CEP162: variants seen among roughly 807,000 people sequenced by gnomAD.
The protein encoded by CEP162 is centrosomal protein of 162 kDa.
In CEP162, 141 loss-of-function variants were observed where a neutral mutation model predicts 169.2. That is an observed-to-expected ratio of 0.83 (90% CI 0.73 to 0.96). CEP162 has a LOEUF of 0.96. Ranked by LOEUF, CEP162 falls within the 40% of genes least tolerant of loss-of-function variation. CEP162 has a pLI of 0.00. For missense variants in CEP162, 1,600 were observed against 1,587.2 expected (o/e 1.01, Z -0.14); for synonymous variants, 540 against 526.4 (o/e 1.03, Z -0.35).
At chr6:84,157,893 G>T (rs544316447) in intron 21 of CEP162, among the ~76,000 whole-genome samples, 2 of 151,986 alleles carry the variant, frequency 1.3e-5, no homozygotes, top group Non-Finnish European at 2.9e-5. Context: ...CCAATCCTCT[G>T]GTCCAAATAA....
chr6:84,223,360 G>A (rs1303335735), intron 2 of CEP162, among the ~76,000 whole-genome samples: 2 of 151,794 alleles, frequency 1.3e-5, no homozygotes, highest in African/African-American at 2.4e-5. Flanking sequence ...TTAGCTGGGC[G>A]TGGTGGCGCA....
chr6:84,181,207 A>T (rs906197865), intron 13 of CEP162, among the ~76,000 whole-genome samples: 3 of 152,178 alleles, frequency 2.0e-5, no homozygotes, highest in Non-Finnish European at 4.4e-5. Context: ...ACACATTTAC[A>T]ACCATCTGAT....
chr6:84,170,128 C>T (rs1264167202), intron 17 of CEP162, among the ~76,000 whole-genome samples: 3 of 151,964 alleles, frequency 2.0e-5, no homozygotes, highest in South Asian at 2.1e-4. Context: ...AATCCCAGCA[C>T]GTTGGGAGGC....
intron 1 of CEP162, among the ~76,000 whole-genome samples, chr6:84,226,817 C>T (rs2099555906): frequency 6.6e-6 from 1 of 152,168 alleles, no homozygotes; most frequent in Non-Finnish European, 1.5e-5. Flanking sequence ...ATCCAAAGGA[C>T]TGTTTCTTTC....
intron 11 of CEP162, among the ~76,000 whole-genome samples, chr6:84,190,754 G>A (rs1411100698): frequency 1.3e-5 from 2 of 152,222 alleles, no homozygotes; most frequent in Non-Finnish European, 2.9e-5. Flanking sequence ...CACTCACCGC[G>A]AGCGTCCGCG....
chr6:84,163,134 A>C lies in CEP162; in HGVS notation c.2512+10T>G. 6.2e-7 allele frequency: 1 copy of C among 1,612,398 alleles called. No homozygotes were observed. Among genetic ancestry groups the C allele is most frequent in the Non-Finnish European group, 8.5e-7 (1 of 1,179,118 alleles). ...TTATAAAGGTACACTGTTTCAGCTC[A>C]GTGTTTTACCTGTGACATAAGCAAT... On this transcript the variant is annotated intron_variant, in intron 19 of 26. Transcript: ENST00000403245.
chr6:84,171,246 T>C (rs2099529998), intron 17 of CEP162, among the ~76,000 whole-genome samples: 1 of 152,322 alleles, frequency 6.6e-6, no homozygotes, highest in African/African-American at 2.4e-5. Flanking sequence ...TGTATGACCA[T>C]TCTTTTTTAG....
At chr6:84,168,840 G>C (rs1435892609) in intron 18 of CEP162, among the ~76,000 whole-genome samples, 1 of 152,134 alleles carries the variant, frequency 6.6e-6, no homozygotes, top group Non-Finnish European at 1.5e-5. Flanking sequence ...CTTTATGTTA[G>C]GTATGTGGAA....
chr6:84,227,360 CA>C (rs1355752539), intron 1 of CEP162, among the ~76,000 whole-genome samples: 3 of 152,158 alleles, frequency 2.0e-5, no homozygotes, highest in Non-Finnish European at 4.4e-5. Context: ...ATAGCTTGGT[CA>C]GGGGTGAGCT....
chr6:84,170,784 C>T (rs1366158607), intron 17 of CEP162, among the ~76,000 whole-genome samples: 1 of 152,166 alleles, frequency 6.6e-6, no homozygotes, highest in East Asian at 1.9e-4. Flanking sequence ...AGCTTTTTCA[C>T]TTAATATGTT....
intron 18 of CEP162, among the ~76,000 whole-genome samples, chr6:84,166,551 C>G (rs2099527919): frequency 6.6e-6 from 1 of 152,150 alleles, no homozygotes; most frequent in Non-Finnish European, 1.5e-5. Context: ...TGAGCAAGAT[C>G]TGGGTCTGTC....
chr6:84,209,737 AT>A (rs1440646469), intron 6 of CEP162, among the ~76,000 whole-genome samples: 2 of 152,150 alleles, frequency 1.3e-5, no homozygotes, highest in Non-Finnish European at 2.9e-5. Flanking sequence ...ATGATTTCTG[AT>A]TGGGAAAAGT....
In CEP162 at chr6:84,151,715, G is replaced by A. The variant is rs148745022; in HGVS notation, c.3629+830C>T. On this transcript the variant is annotated intron_variant, in intron 23 of 26. Coordinates refer to ENST00000403245, the MANE Select transcript of CEP162 (RefSeq NM_014895.4). ...GAGAAGGAAGAAGGGTCAGAATTCA[G>A]TAAAAGAAACAGAAAAGGAGTTTTG... is the stretch of plus-strand genomic sequence containing the variant. Among the ~76,000 whole-genome samples the A allele has an allele frequency of 2.0e-5, 3 of 152,196 alleles. No individual in the cohort carries two copies. The East Asian group carries it at 5.8e-4, about 29-fold the overall frequency.
Position 84,215,704 on chromosome 6 carries a change from A to G in CEP162, c.319+72T>C, listed in dbSNP as rs994749253. ...ATGCTTCAGTAAAGGAGGCTTCAAGATAATTTTTGTAATTCTGAATATAAG... is the reference window on the plus strand; with the variant it reads ...ATGCTTCAGTAAAGGAGGCTTCAAGGTAATTTTTGTAATTCTGAATATAAG... On this transcript the variant is annotated intron_variant, in intron 4 of 26. Coordinates refer to ENST00000403245, the MANE Select transcript of CEP162 (RefSeq NM_014895.4). 105 of 1,501,102 alleles carry G rather than the reference A, an allele frequency of 7.0e-5. No homozygotes were observed. The African/African-American group carries it at 1.4e-3, about 20-fold the overall frequency. 93.0% of individuals were successfully genotyped at this position (1,501,102 alleles called of 1,614,324 possible).
intron 11 of CEP162, among the ~76,000 whole-genome samples, chr6:84,192,083 C>G (rs1359381137): frequency 6.6e-6 from 1 of 152,110 alleles, no homozygotes; most frequent in Non-Finnish European, 1.5e-5. Context: ...TGGAGCAGAG[C>G]CCCAATCCAA....
chr6:84,169,458 T>C (rs771340600), intron 17 of CEP162, 25 bp from the exon 18 acceptor site: 1 of 1,411,486 alleles, frequency 7.1e-7, no homozygotes, highest in Non-Finnish European at 9.6e-7. Context: ...AAATAAAAAG[T>C]TGTTTTTCTT....
At position 84,195,049 on chromosome 6, in the gene CEP162, C is replaced by T; in HGVS notation, c.862G>A (p.Asp288Asn). Residue 288 changes from aspartate (D) to asparagine (N), a missense_variant, in exon 10 of 27, where the codon GAC becomes AAC. Transcript: ENST00000403245. ...TGVSYGQSSS[D>N]VEALHQAYCH... ...TAAGCTTGATGTAGGGCTTCAACGTCACTACTGCTTTGTCCATAAGAAACA... is the reference window on the plus strand; with the variant it reads ...TAAGCTTGATGTAGGGCTTCAACGTTACTACTGCTTTGTCCATAAGAAACA... 5 of 1,600,022 alleles carry T rather than the reference C, an allele frequency of 3.1e-6. 1 individual carries two copies. The South Asian group carries it at 5.7e-5, about 18-fold the overall frequency.
At position 84,204,007 on chromosome 6, in the gene CEP162, AT is replaced by A; in HGVS notation, c.660del (p.Lys220AsnfsTer5). On this transcript the variant is annotated frameshift_variant, in exon 7 of 27. Transcript: ENST00000403245. LOFTEE classifies it high-confidence loss of function. ...DEEMPSKENS[K>X]SEKISVPKQE... ...TGTTTGGGCACACTTATTTTTTCTG[AT>A]TTGGAATTCTCTTTGGAAGGCATCT... 1 of 1,608,522 alleles carries A rather than the reference AT, an allele frequency of 6.2e-7. No individual in the cohort carries two copies. Among genetic ancestry groups the A allele is most frequent in the Non-Finnish European group, 8.5e-7 (1 of 1,177,594 alleles).
chr6:84,204,435 C>T (rs189119149), intron 6 of CEP162, among the ~76,000 whole-genome samples: 84 of 152,208 alleles, frequency 5.5e-4, no homozygotes, highest in African/African-American at 1.7e-3. Context: ...CACTCAAAAC[C>T]GCACAACTAC....
Sources: allele counts gnomAD v4.1 joint callset (sites outside exome capture counted in the v4.1 genomes callset), GRCh38; gene constraint gnomAD v4.1.1; transcripts MANE v1.5; gene names NCBI Gene and HGNC (gene_info 2026-07-23, HGNC 2026-07-21).